The following MDM1 variants were observed in gnomAD, a reference collection of about 807,000 sequenced individuals.
MDM1 encodes stabilizer of axonemal microtubules 6.
Under a neutral mutation model 89.1 loss-of-function variants are expected in MDM1, and 61 were observed. The observed-to-expected ratio is 0.68, with a 90% CI of 0.56 to 0.85. MDM1 has a LOEUF of 0.85. Ranked by LOEUF, MDM1 falls within the 40% of genes least tolerant of loss-of-function variation. The pLI, the probability that MDM1 is intolerant of heterozygous loss-of-function variation, is 0.00. For missense variants in MDM1, 820 were observed against 846.5 expected (o/e 0.97, Z 0.39); for synonymous variants, 290 against 294.1 (o/e 0.99, Z 0.14).
chr12:68,302,829 CCAG>C lies in MDM1; in HGVS notation c.1790_1792del (p.Ala597del), dbSNP rs749742514. The C allele has an allele frequency of 1.1e-5, 17 of 1,608,682 alleles. No homozygotes were observed. The South Asian group carries it at 1.8e-4, about 17-fold the overall frequency. On this transcript the variant is annotated inframe_deletion, in exon 13 of 15. Transcript: ENST00000682720. The stretch of plus-strand genomic sequence containing the variant: ...AGGCAGAGGATCAACTGTTTTTATA[CCAG>C]CAGCTGGAGAAGTCAGTAGGGATAC...
chr12:68,322,558 C>T (rs1320934281), intron 5 of MDM1, among the ~76,000 whole-genome samples: 2 of 152,030 alleles, frequency 1.3e-5, no homozygotes, highest in African/African-American at 2.4e-5. Flanking sequence ...TGCTTGAATC[C>T]GGGAGGCAGA....
chr12:68,327,816 C>T (rs1251947681), intron 2 of MDM1, among the ~76,000 whole-genome samples: 2 of 152,184 alleles, frequency 1.3e-5, no homozygotes, highest in Non-Finnish European at 2.9e-5. Context: ...GGGTCCTTAT[C>T]CTTTTAAAAG....
chr12:68,323,234 G>A lies in MDM1; in HGVS notation c.640C>T (p.His214Tyr), dbSNP rs750109702. 6.5e-7 allele frequency: 1 copy of A among 1,546,214 alleles called. No homozygotes were observed. The highest frequency in any genetic ancestry group is 1.3e-5 in the South Asian group (1 of 78,754). Residue 214 changes from histidine (H) to tyrosine (Y), a missense_variant, in exon 5 of 15, where the codon CAC becomes TAC. His to Tyr is a moderately conservative substitution (Grantham distance 83). Coordinates refer to ENST00000682720, the MANE Select transcript of MDM1 (RefSeq NM_001354969.2). ...GGTGGAACAAACTGGCTTTTATTGT[G>A]GAAAACCTTAAAACAAAAATTATTT... is the stretch of plus-strand genomic sequence containing the variant. ...APAFAANQVFHNKSQFVPPFK... is the reference protein window; with the variant it reads ...APAFAANQVFYNKSQFVPPFK...
intron 12 of MDM1, among the ~76,000 whole-genome samples, chr12:68,309,008 G>A (rs1048913278): frequency 3.3e-5 from 5 of 152,156 alleles, no homozygotes; most frequent in African/African-American, 1.2e-4. Context: ...GTGGACTACT[G>A]CAATGGCCTT....
chr12:68,315,276 A>AAAT lies in MDM1; in HGVS notation c.1212-14_1212-12dup. On this transcript the variant is annotated splice_polypyrimidine_tract_variant and intron_variant, in intron 9 of 14. Coordinates refer to ENST00000682720, the MANE Select transcript of MDM1 (RefSeq NM_001354969.2). ...TGGCTTGTAGGATCTCTGCGTAACA[A>AAAT]AATCAATTTTATTTTAAATGTGAAT... 1 of 1,594,940 alleles carries AAAT rather than the reference A, an allele frequency of 6.3e-7. No individual in the cohort carries two copies. The highest frequency in any genetic ancestry group is 1.1e-5 in the South Asian group (1 of 89,072).
intron 4 of MDM1, among the ~76,000 whole-genome samples, chr12:68,324,537 T>A (rs1390353569): frequency 6.6e-6 from 1 of 152,186 alleles, no homozygotes; most frequent in South Asian, 2.1e-4. Context: ...TGTTTTTCTA[T>A]CTTAATGTAA....
At chr12:68,306,327 T>C (rs752574434) in intron 12 of MDM1, among the ~76,000 whole-genome samples, 1 of 152,082 alleles carries the variant, frequency 6.6e-6, no homozygotes, top group East Asian at 1.9e-4. Context: ...GAAGAAACCC[T>C]AGAAAAAACT....
Position 68,313,456 on chromosome 12 carries a change from T to C in MDM1, c.1736A>G (p.Asn579Ser), listed in dbSNP as rs1398641140. Residue 579 changes from asparagine (N) to serine (S), a missense_variant, in exon 12 of 15, where the codon AAT becomes AGT. Transcript: ENST00000682720. ...TSQDCLETSK[N>S]DFTKKESRAV... ...AAACATGTTTACCTTAGTAAAATCA[T>C]TCTTTGAAGTTTCTAAACAATCCTG... is the stretch of plus-strand genomic sequence containing the variant. 6.2e-7 allele frequency: 1 copy of C among 1,611,880 alleles called. No homozygotes were observed. Among genetic ancestry groups the C allele is most frequent in the African/African-American group, 1.3e-5 (1 of 74,890 alleles).
chr12:68,326,256 T>C, intron 3 of MDM1: 1 of 1,167,258 alleles, frequency 8.6e-7, no homozygotes, highest in Non-Finnish European at 1.1e-6. Flanking sequence ...TCAATTGAAT[T>C]TCTGTTTGTC....
chr12:68,318,799 A>G (rs911853264), intron 7 of MDM1, among the ~76,000 whole-genome samples: 2 of 152,220 alleles, frequency 1.3e-5, no homozygotes, highest in Non-Finnish European at 2.9e-5. Flanking sequence ...TGATACAATT[A>G]TAAGTAGAAT....
At chr12:68,302,494 T>C in intron 13 of MDM1, 126 bp downstream of exon 13, 1 of 897,592 alleles carries the variant, frequency 1.1e-6, no homozygotes, top group Non-Finnish European at 1.6e-6. Flanking sequence ...TAAAGAAATT[T>C]TATTAATACA....
intron 12 of MDM1, among the ~76,000 whole-genome samples, chr12:68,307,480 T>A (rs1001827421): frequency 1.3e-5 from 2 of 151,834 alleles, no homozygotes; most frequent in Non-Finnish European, 2.9e-5. Flanking sequence ...TACAAAAAAT[T>A]TTTTTTAAAA....
At chr12:68,313,854 G>A in intron 10 of MDM1, 101 bp from the exon 11 acceptor site, 2 of 1,057,646 alleles carry the variant, frequency 1.9e-6, no homozygotes, top group East Asian at 2.4e-5. Context: ...TATAAAACTT[G>A]TAAGAGGCCA....
rs774389520 is a variant in MDM1 at position 68,323,154 on chromosome 12, AC to A, written c.719del (p.Gly240ValfsTer5). 2 of 1,610,304 alleles carry A rather than the reference AC, an allele frequency of 1.2e-6. No individual in the cohort carries two copies. The highest frequency in any genetic ancestry group is 1.1e-5 in the South Asian group (1 of 90,220). On this transcript the variant is annotated frameshift_variant, in exon 5 of 15. Transcript: ENST00000682720. LOFTEE classifies it high-confidence loss of function. Reference protein sequence around the residue: ...HETEYKRNFKGLSPVKEPKLR... With the variant: ...HETEYKRNFKXLSPVKEPKLR... ...ATTTTGGTTCTTTCACTGGAGATAAACCCTTGAAATTTCTTTTGTATTCAGT... is the reference window on the plus strand; with the variant it reads ...ATTTTGGTTCTTTCACTGGAGATAAACCTTGAAATTTCTTTTGTATTCAGT...
chr12:68,332,116 T>C, intron 1 of MDM1, 112 bp downstream of exon 1: 2 of 1,462,282 alleles, frequency 1.4e-6, no homozygotes, highest in African/African-American at 1.4e-5. Flanking sequence ...GGCTGGCAGC[T>C]TCCGCCGGGC....
At chr12:68,297,572 G>A (rs1273731670) in intron 13 of MDM1, among the ~76,000 whole-genome samples, 2 of 152,192 alleles carry the variant, frequency 1.3e-5, no homozygotes, top group Admixed American at 6.5e-5. Flanking sequence ...GAACCAGGAA[G>A]CTGCCTAAAT....
At chr12:68,313,293 G>T in intron 12 of MDM1, 150 bp downstream of exon 12, 2 of 606,040 alleles carry the variant, frequency 3.3e-6, no homozygotes, top group Non-Finnish European at 5.7e-6. Flanking sequence ...AAAAAGTCAA[G>T]CCTTTTGCCT....
chr12:68,332,052 G>T, intron 1 of MDM1, 176 bp downstream of exon 1: 1 of 791,928 alleles, frequency 1.3e-6, no homozygotes, highest in Non-Finnish European at 2.2e-6. Context: ...AGCGGAGAGG[G>T]AACTAGGTTA....
Position 68,321,349 on chromosome 12 carries a change from G to C in MDM1, c.1003C>G (p.Gln335Glu), listed in dbSNP as rs781337618. Reference sequence around the variant, plus strand: ...TTATTGAGGTCATGTACACTCACCTGATTTGGCATGTTTCCCTTTACATGT... The same window carrying C: ...TTATTGAGGTCATGTACACTCACCTCATTTGGCATGTTTCCCTTTACATGT... ...WTHVKGNMPNQGSLNAMWYAE... is the reference protein window; with the variant it reads ...WTHVKGNMPNEGSLNAMWYAE... Residue 335 changes from glutamine to glutamate, a missense_variant and splice_region_variant, in exon 7 of 15, where the codon CAG becomes GAG. By Grantham distance (29) the Gln-to-Glu change is conservative. Coordinates refer to ENST00000682720, the MANE Select transcript of MDM1 (RefSeq NM_001354969.2). 1.9e-6 allele frequency: 3 copies of C among 1,612,476 alleles called. No individual in the cohort carries two copies. In the South Asian group the frequency reaches 3.3e-5, roughly 18 times the overall value.
Sources: gnomAD v4.1 joint callset for allele counts (sites outside exome capture counted in the v4.1 genomes callset) on GRCh38, gnomAD v4.1.1 for gene constraint, MANE v1.5 for transcripts, NCBI Gene and HGNC (gene_info 2026-07-23, HGNC 2026-07-21) for gene names.